LRP8: variants seen among roughly 807,000 people sequenced by gnomAD.
LRP8 encodes the protein LDL receptor related protein 8, also known as low-density lipoprotein receptor-related protein 8.
In LRP8, 46 loss-of-function variants were observed where a neutral mutation model predicts 111.6. The ratio of observed to expected loss-of-function variants is 0.41; its 90% confidence interval spans 0.33 to 0.53. The LOEUF is 0.53. LRP8 is among the 20% of genes least tolerant of loss of function. LRP8 has a pLI of 0.20. For synonymous variants in LRP8, 464 were observed against 511.2 expected (o/e 0.91, Z 1.24); for missense variants, 959 against 1,297.4 (o/e 0.74, Z 4.01).
rs767050700 is a variant in LRP8, at chr1:53,271,350, G to C, written c.1007-4C>G. On this transcript the variant is annotated splice_region_variant and splice_polypyrimidine_tract_variant and intron_variant, in intron 6 of 18. Coordinates refer to ENST00000306052, the MANE Select transcript of LRP8 (RefSeq NM_004631.5). The stretch of plus-strand genomic sequence containing the variant: ...TTGTGCAGACACTCGTTCAGCCCTG[G>C]GGAGGGACATGGGCTCCTGAAGGTC... 57 of 1,613,896 alleles carry C rather than the reference G, an allele frequency of 3.5e-5. No homozygotes were observed. The highest frequency in any genetic ancestry group is 4.6e-5 in the Non-Finnish European group (54 of 1,179,994).
intron 2 of LRP8, among the ~76,000 whole-genome samples, chr1:53,298,521 C>T (rs901848671): frequency 3.3e-5 from 5 of 152,222 alleles, no homozygotes; most frequent in African/African-American, 9.6e-5. Context: ...CAGCCCCACC[C>T]TGGGTTTTGG....
intron 3 of LRP8, among the ~76,000 whole-genome samples, chr1:53,282,136 C>T (rs1647133461): frequency 6.6e-6 from 1 of 152,182 alleles, no homozygotes. Flanking sequence ...ACAAGGGATA[C>T]AGAAAAGGGC....
rs528841927 is a variant in LRP8 at position 53,255,185 on chromosome 1, T to C, written c.2435A>G (p.Tyr812Cys). 24 of 1,613,334 alleles carry C rather than the reference T, an allele frequency of 1.5e-5. No individual in the cohort carries two copies. The highest frequency in any genetic ancestry group is 1.9e-5 in the Non-Finnish European group (23 of 1,179,966). The change falls in exon 16 of 19, where the codon TAT (tyrosine) becomes TGT (cysteine). Residue 812 changes from tyrosine to cysteine, a missense_variant and splice_region_variant. This residue lies in a region of LRP8 where 819 missense variants were observed against 1,097.6 expected (regional missense o/e 0.75). Coordinates refer to ENST00000306052, the MANE Select transcript of LRP8 (RefSeq NM_004631.5). ...GCCCATCTTACTGTCTTCATTTGCA[T>C]CTGCAAAACACAAACATTTGCAGAA... The part of the protein sequence containing the change: ...SPATSNHSQH[Y>C]ANEDSKMGST...
In LRP8 at chr1:53,326,965, T is replaced by C. The variant is rs1655213803; in HGVS notation, c.152A>G (p.Gln51Arg). The change falls in exon 2 of 19, where the codon CAA becomes CGA. Residue 51 changes from glutamine to arginine, a missense_variant. By Grantham distance (43) the Gln-to-Arg change is conservative. This residue lies in a region of LRP8 where 97 missense variants were observed against 107.5 expected (regional missense o/e 0.90). Transcript: ENST00000306052. ...GCAGCGCTCGTTCCGGCACTGGAAT[T>C]GGTCCTTTTCGCAATCCTTGGCCGG... ...QGPAKDCEKD[Q>R]FQCRNERCIP... is the part of the protein sequence containing the mutation. 1 of 1,613,650 alleles carries C rather than the reference T, an allele frequency of 6.2e-7. No individual in the cohort carries two copies. Among genetic ancestry groups the C allele is most frequent in the South Asian group, 1.1e-5 (1 of 91,084 alleles).
In LRP8 at chr1:53,250,283, G is replaced by T. The variant is rs961779081; in HGVS notation, c.2676+407C>A. Among the ~76,000 whole-genome samples the T allele has an allele frequency of 1.3e-5, 2 of 152,160 alleles. No homozygotes were observed. The highest frequency in any genetic ancestry group is 2.4e-5 in the African/African-American group (1 of 41,432). On this transcript the variant is annotated intron_variant, in intron 17 of 18. Transcript: ENST00000306052. This position sits in a 1 kb window ranked among gnomAD's most constrained non-coding sequence, Gnocchi z 4.6. ...TAAATGGCCACAGTTACCCTTCCAG[G>T]CTAAAGGTTCTGAAAATTTACTGAG...
At chr1:53,272,526 T>C in intron 6 of LRP8, 1 of 1,255,754 alleles carries the variant, frequency 8.0e-7, no homozygotes, top group East Asian at 5.4e-5. Context: ...TGGTCTGAGC[T>C]GCCCACCCCA....
chr1:53,327,287 G>A (rs906972608), intron 1 of LRP8: 3 of 435,764 alleles, frequency 6.9e-6, no homozygotes, highest in Non-Finnish European at 1.2e-5. Flanking sequence ...TCAGAGATCT[G>A]CTCAGATACA....
intron 2 of LRP8, among the ~76,000 whole-genome samples, chr1:53,301,122 G>A (rs1199372702): frequency 2.0e-5 from 3 of 152,206 alleles, no homozygotes; most frequent in African/African-American, 7.2e-5. Context: ...CAGAGCACGT[G>A]GCTCAGGGCA....
chr1:53,273,517 T>C (rs1379641091), intron 6 of LRP8, among the ~76,000 whole-genome samples: 2 of 152,136 alleles, frequency 1.3e-5, no homozygotes, highest in African/African-American at 4.8e-5. Flanking sequence ...GTGTACGTAC[T>C]CCTCTTTGGT....
intron 2 of LRP8, among the ~76,000 whole-genome samples, chr1:53,321,974 C>T (rs999094112): frequency 1.3e-5 from 2 of 152,168 alleles, no homozygotes; most frequent in African/African-American, 4.8e-5. Flanking sequence ...GGCTGGGCAA[C>T]TCCCTGGCTG....
chr1:53,289,785 C>T, intron 2 of LRP8, 96 bp from the exon 3 acceptor site: 2 of 1,520,784 alleles, frequency 1.3e-6, no homozygotes, highest in Non-Finnish European at 1.8e-6. Flanking sequence ...AGGCCATGGA[C>T]TGCCTTGCTG....
At chr1:53,277,674 G>A (rs933132098) in intron 4 of LRP8, among the ~76,000 whole-genome samples, 2 of 152,158 alleles carry the variant, frequency 1.3e-5, no homozygotes, top group African/African-American at 4.8e-5. Flanking sequence ...CCTACTTCTT[G>A]CCCACCACTA....
chr1:53,263,795 G>A (rs941253522), intron 10 of LRP8, among the ~76,000 whole-genome samples: 2 of 152,176 alleles, frequency 1.3e-5, no homozygotes, highest in African/African-American at 4.8e-5. Flanking sequence ...GCTGCCCCAC[G>A]GTGAAACAGG....
chr1:53,260,675 C>A lies in LRP8; in HGVS notation c.1915-70G>T, dbSNP rs925161839. ...CCATGACCTCAGTCTGAGGGGTTGGCCCCAAACCATAGTCACAAGAACTTC... is the reference window on the plus strand; with the variant it reads ...CCATGACCTCAGTCTGAGGGGTTGGACCCAAACCATAGTCACAAGAACTTC... On this transcript the variant is annotated intron_variant, in intron 12 of 18. Transcript: ENST00000306052. 5 of 1,512,898 alleles carry A rather than the reference C, an allele frequency of 3.3e-6. No individual in the cohort carries two copies. The Admixed American group carries it at 7.2e-5, about 22-fold the overall frequency. The allele number at this position is 1,512,898 out of a possible 1,614,324, so 93.7% of individuals were successfully genotyped here.
At chr1:53,318,240 CTT>C (rs57335056) in intron 2 of LRP8, among the ~76,000 whole-genome samples, 67 of 143,692 alleles carry the variant, frequency 4.7e-4, no homozygotes, top group Admixed American at 6.3e-4. Context: ...TACTCTTCTG[CTT>C]TTTTTTTTTT....
At chr1:53,256,318 C>T (rs988635409) in intron 15 of LRP8, among the ~76,000 whole-genome samples, 4 of 152,232 alleles carry the variant, frequency 2.6e-5, no homozygotes, top group Admixed American at 2.6e-4. Context: ...CTAACTGTGT[C>T]CTCCCTGCTG....
Position 53,246,192 on chromosome 1 carries a change from A to G in LRP8, c.*826T>C, listed in dbSNP as rs1205228499. 6.6e-6 allele frequency: 1 copy of G among 152,216 alleles called. No homozygotes were observed. Among genetic ancestry groups the G allele is most frequent in the African/African-American group, 2.4e-5 (1 of 41,448 alleles). 9.4% of individuals were successfully genotyped at this position (152,216 alleles called of 1,614,324 possible). A position where few individuals can be genotyped will look rare whatever the true frequency, so the allele number is the denominator to read the frequency against. On this transcript the variant is annotated 3_prime_UTR_variant, in exon 19 of 19. Transcript: ENST00000306052. The stretch of plus-strand genomic sequence containing the variant: ...TTTCCTGACTTCCTGGGGTCTCAGG[A>G]ATAGCCAGAGGTGAAAAGATTTGCC...
intron 12 of LRP8, among the ~76,000 whole-genome samples, chr1:53,261,101 C>G (rs1646320080): frequency 6.6e-6 from 1 of 152,176 alleles, no homozygotes; most frequent in Non-Finnish European, 1.5e-5. Flanking sequence ...ATACACAGAT[C>G]TAAACACATA....
In LRP8 at chr1:53,249,388, TGAC is replaced by T. The variant is rs1645824799; in HGVS notation, c.2842_2844del (p.Val948del). 2 of 1,614,042 alleles carry T rather than the reference TGAC, an allele frequency of 1.2e-6. No homozygotes were observed. Among genetic ancestry groups the T allele is most frequent in the Non-Finnish European group, 1.7e-6 (2 of 1,179,926 alleles). On this transcript the variant is annotated inframe_deletion, in exon 18 of 19. Transcript: ENST00000306052. The surrounding 1 kb of genome is among the most constrained non-coding windows in gnomAD (Gnocchi z 4.1). The stretch of plus-strand genomic sequence containing the variant: ...GAGTGGCACTGCCCTACCTTGGATT[TGAC>T]GACAGGCAGCTCGGAAAGAGGGTTC...
Sources: allele counts gnomAD v4.1 joint callset (sites outside exome capture counted in the v4.1 genomes callset), GRCh38; gene constraint gnomAD v4.1.1; regional missense constraint gnomAD v4.1.1; non-coding constraint Gnocchi (gnomAD v3.1); transcripts MANE v1.5; gene names NCBI Gene and HGNC (gene_info 2026-07-23, HGNC 2026-07-21).